The following TOX variants were observed in gnomAD, a reference collection of about 807,000 sequenced individuals.
TOX encodes thymocyte selection-associated high mobility group box protein TOX.
A neutral mutation model predicts 53.7 loss-of-function variants in TOX; 11 were observed. The observed-to-expected ratio is 0.20, with a 90% CI of 0.13 to 0.34. The LOEUF (loss-of-function observed/expected upper bound fraction) is 0.34. TOX is among the 10% of genes least tolerant of loss of function. The pLI is 1.00. For missense variants in TOX, 570 were observed against 664.6 expected, an observed-to-expected ratio of 0.86 and a Z score of 1.56; for synonymous variants, 225 against 245.3, an observed-to-expected ratio of 0.92 and a Z score of 0.77.
intron 3 of TOX, among the ~76,000 whole-genome samples, chr8:58,926,504 A>C (rs930870143): frequency 2.0e-5 from 3 of 152,230 alleles, no homozygotes; most frequent in African/African-American, 4.8e-5. Flanking sequence ...AAGGCACTGC[A>C]TATAGAATAT....
At chr8:59,094,646 T>A (rs1804683529) in intron 1 of TOX, among the ~76,000 whole-genome samples, 1 of 152,078 alleles carries the variant, frequency 6.6e-6, no homozygotes, top group Non-Finnish European at 1.5e-5. Flanking sequence ...GTAATTCAAA[T>A]ATTTTTAAAA....
At chr8:58,816,724 G>C (rs895084760) in intron 6 of TOX, among the ~76,000 whole-genome samples, 1 of 152,146 alleles carries the variant, frequency 6.6e-6, no homozygotes, top group Non-Finnish European at 1.5e-5. Flanking sequence ...TGCTTATTCA[G>C]CTTTCAAGTC....
intron 1 of TOX, among the ~76,000 whole-genome samples, chr8:59,022,862 T>C (rs1214807330): frequency 1.3e-5 from 2 of 152,162 alleles, no homozygotes; most frequent in African/African-American, 4.8e-5. Context: ...CCTAGACAAA[T>C]GCTGTCTTGA....
chr8:59,014,362 C>T (rs1026774860), intron 1 of TOX, among the ~76,000 whole-genome samples: 2 of 152,236 alleles, frequency 1.3e-5, no homozygotes, highest in Non-Finnish European at 2.9e-5. Context: ...TTACCAAATT[C>T]TCTTTATCTC....
chr8:59,003,443 A>G (rs1813731039), intron 1 of TOX, among the ~76,000 whole-genome samples: 1 of 152,184 alleles, frequency 6.6e-6, no homozygotes, highest in South Asian at 2.1e-4. Flanking sequence ...ATGGGATTTT[A>G]ACGAGTGACA....
chr8:58,833,801 A>ATCTTCC (rs1279297811), intron 5 of TOX, among the ~76,000 whole-genome samples: 4 of 152,214 alleles, frequency 2.6e-5, no homozygotes, highest in African/African-American at 4.8e-5. Flanking sequence ...ATTCAGTACC[A>ATCTTCC]TCTTCCAAAG....
chr8:59,092,264 T>TATATATATATATA (rs1174716509), intron 1 of TOX, among the ~76,000 whole-genome samples: 773 of 51,780 alleles, frequency 0.015, 89 homozygotes, highest in African/African-American at 0.058. Flanking sequence ...ATATATATAT[T>TATATATATATATA]TTATATATAT....
chr8:59,067,276 G>A (rs922824627), intron 1 of TOX, among the ~76,000 whole-genome samples: 30 of 152,166 alleles, frequency 2.0e-4, no homozygotes, highest in African/African-American at 5.1e-4. Flanking sequence ...ATAACTGGCC[G>A]GCCGAGGGGG....
intron 1 of TOX, among the ~76,000 whole-genome samples, chr8:59,040,292 GCACTCCAGC>G (rs1340333698): frequency 8.4e-4 from 109 of 129,464 alleles, no homozygotes; most frequent in African/African-American, 2.8e-3. Context: ...TCCCGCCACT[GCACTCCAGC>G]CTGGGCGACA....
At chr8:59,036,543 A>T (rs1814462099) in intron 1 of TOX, among the ~76,000 whole-genome samples, 1 of 152,176 alleles carries the variant, frequency 6.6e-6, no homozygotes, top group African/African-American at 2.4e-5. Context: ...CATCCTAAAC[A>T]CACCTATGTC....
rs551458153 is a variant in TOX at position 58,847,248 on chromosome 8, A to G, written c.693+4276T>C. 3.7e-3 allele frequency among the ~76,000 whole-genome samples: 570 copies of G among 152,246 alleles called. 7 individuals are homozygous for G. The highest frequency in any genetic ancestry group is 0.013 in the African/African-American group (554 of 41,554). On this transcript the variant is annotated intron_variant, in intron 4 of 8. Coordinates refer to ENST00000361421, the MANE Select transcript of TOX (RefSeq NM_014729.3). ...ACATATTCTGACTTCAAAATACTTC[A>G]TGTATTGAAATTAGCAAAAGAGGGT...
At chr8:58,906,980 A>G (rs909248222) in intron 3 of TOX, among the ~76,000 whole-genome samples, 1 of 152,228 alleles carries the variant, frequency 6.6e-6, no homozygotes, top group Non-Finnish European at 1.5e-5. Flanking sequence ...TGTAGCACTG[A>G]AAGTCTAAAT....
intron 5 of TOX, among the ~76,000 whole-genome samples, chr8:58,835,456 G>A (rs1810529703): frequency 6.6e-6 from 1 of 151,948 alleles, no homozygotes; most frequent in Admixed American, 6.6e-5. Context: ...CATATTTTTG[G>A]GGTCTGTAAA....
At chr8:59,054,610 TA>T (rs1157048016) in intron 1 of TOX, among the ~76,000 whole-genome samples, 1 of 151,656 alleles carries the variant, frequency 6.6e-6, no homozygotes, top group Non-Finnish European at 1.5e-5. Flanking sequence ...GAACAACAAT[TA>T]AAAAAAATAG....
At chr8:58,865,582 G>C (rs1335502503) in intron 3 of TOX, among the ~76,000 whole-genome samples, 9 of 151,886 alleles carry the variant, frequency 5.9e-5, no homozygotes. Context: ...TGTGGTTATG[G>C]AATATGGAAC....
intron 1 of TOX, among the ~76,000 whole-genome samples, chr8:59,005,679 A>G (rs957868300): frequency 2.0e-5 from 3 of 152,222 alleles, no homozygotes; most frequent in Admixed American, 6.5e-5. Flanking sequence ...GCATTAAACA[A>G]TAAGGAAAGA....
At chr8:58,881,222 T>C (rs544023877) in intron 3 of TOX, among the ~76,000 whole-genome samples, 2 of 152,314 alleles carry the variant, frequency 1.3e-5, no homozygotes, top group South Asian at 4.1e-4. Flanking sequence ...ATCTGATTAC[T>C]ATTTCATTAT....
chr8:58,833,622 A>G (rs1401361901), intron 5 of TOX, among the ~76,000 whole-genome samples: 1 of 152,224 alleles, frequency 6.6e-6, no homozygotes, highest in Non-Finnish European at 1.5e-5. Context: ...GTGAAAGATA[A>G]GTAGCAGAGA....
chr8:58,990,549 T>G (rs140210433), intron 1 of TOX, among the ~76,000 whole-genome samples: 120 of 152,282 alleles, frequency 7.9e-4, no homozygotes, highest in African/African-American at 2.2e-3. Flanking sequence ...CAAGGTTTCC[T>G]CTACATATCA....
Sources: allele counts gnomAD v4.1 joint callset (sites outside exome capture counted in the v4.1 genomes callset), GRCh38; gene constraint gnomAD v4.1.1; transcripts MANE v1.5; gene names NCBI Gene and HGNC (gene_info 2026-07-23, HGNC 2026-07-21).